CCDC148: variants seen among roughly 807,000 people sequenced by gnomAD.
The protein encoded by CCDC148 is coiled-coil domain containing 148.
CCDC148 carries 89 observed loss-of-function variants against 85.7 expected under a neutral mutation model. The ratio of observed to expected loss-of-function variants is 1.04; its 90% CI spans 0.87 to 1.24. CCDC148 has a LOEUF of 1.24. Ranked by LOEUF, CCDC148 falls within the 50% of genes most tolerant of loss-of-function variation. The pLI is 0.00. For missense variants in CCDC148, 692 were observed against 671.7 expected, an observed-to-expected ratio of 1.03 and a Z score of -0.33; for synonymous variants, 230 against 213.9, an observed-to-expected ratio of 1.08 and a Z score of -0.66.
intron 2 of CCDC148, among the ~76,000 whole-genome samples, chr2:158,356,983 A>G (rs1292693864): frequency 6.7e-6 from 1 of 150,252 alleles, no homozygotes; most frequent in Non-Finnish European, 1.5e-5. Context: ...TCGCAAGAAC[A>G]AAAAACCAAA....
chr2:158,273,071 G>A (rs1185389903), intron 9 of CCDC148, among the ~76,000 whole-genome samples: 1 of 152,164 alleles, frequency 6.6e-6, no homozygotes, highest in Non-Finnish European at 1.5e-5. Context: ...GAGGATGTGA[G>A]AAGTGAGTAA....
intron 9 of CCDC148, among the ~76,000 whole-genome samples, chr2:158,299,869 T>A (rs1272668973): frequency 1.3e-5 from 2 of 151,598 alleles, no homozygotes; most frequent in African/African-American, 2.4e-5. Context: ...AGAGAGAGAG[T>A]TCAAGTGATA....
chr2:158,427,010 T>A (rs890797435), intron 1 of CCDC148, among the ~76,000 whole-genome samples: 2 of 152,190 alleles, frequency 1.3e-5, no homozygotes, highest in Non-Finnish European at 2.9e-5. Context: ...AAGTGAAAAG[T>A]TGACCTTGAG....
intron 10 of CCDC148, among the ~76,000 whole-genome samples, chr2:158,227,344 G>A (rs1392393860): frequency 1.3e-5 from 2 of 151,470 alleles, no homozygotes; most frequent in Admixed American, 1.3e-4. Flanking sequence ...ATGCTCATGG[G>A]TAGGAAGAAT....
chr2:158,229,430 T>C (rs553058952), intron 10 of CCDC148, among the ~76,000 whole-genome samples: 1 of 152,350 alleles, frequency 6.6e-6, no homozygotes, highest in East Asian at 1.9e-4. Flanking sequence ...ATTGATGACA[T>C]AATTGTAGGA....
chr2:158,437,583 T>C (rs916242207), intron 1 of CCDC148, among the ~76,000 whole-genome samples: 16 of 152,128 alleles, frequency 1.1e-4, no homozygotes, highest in African/African-American at 3.6e-4. Flanking sequence ...AGGGATGCCC[T>C]CTCTCACCCC....
At chr2:158,370,286 A>T (rs72997364) in intron 1 of CCDC148, among the ~76,000 whole-genome samples, 18,110 of 152,108 alleles carry the variant, frequency 0.12, 2,215 homozygotes, top group African/African-American at 0.31. Context: ...CCCAGCACTT[A>T]AAATTAAATT....
intron 1 of CCDC148, among the ~76,000 whole-genome samples, chr2:158,371,575 A>G (rs1385329678): frequency 1.3e-5 from 2 of 151,992 alleles, no homozygotes; most frequent in East Asian, 1.9e-4. Context: ...ATCCAATTTT[A>G]TACAGGTATA....
chr2:158,444,541 G>A (rs1294322103), intron 1 of CCDC148, among the ~76,000 whole-genome samples: 2 of 152,042 alleles, frequency 1.3e-5, no homozygotes, highest in Non-Finnish European at 2.9e-5. Context: ...AGCACTTTGG[G>A]AGGCTGAGGT....
intron 9 of CCDC148, among the ~76,000 whole-genome samples, chr2:158,278,288 GC>G (rs1303565857): frequency 6.6e-6 from 1 of 152,054 alleles, no homozygotes; most frequent in Non-Finnish European, 1.5e-5. Flanking sequence ...GTCAGTGGGT[GC>G]AGCTCACCAT....
intron 1 of CCDC148, among the ~76,000 whole-genome samples, chr2:158,399,014 T>C (rs545029333): frequency 1.2e-3 from 183 of 152,206 alleles, no homozygotes; most frequent in African/African-American, 4.0e-3. Context: ...GCAAATAAAC[T>C]AGAAAATCTA....
chr2:158,233,219 G>A (rs541213633), intron 10 of CCDC148, among the ~76,000 whole-genome samples: 55 of 152,138 alleles, frequency 3.6e-4, no homozygotes, highest in African/African-American at 1.3e-3. Flanking sequence ...CAAAAAGTAT[G>A]TTTTACATAT....
chr2:158,190,625 G>C (rs1685378826), intron 11 of CCDC148, among the ~76,000 whole-genome samples: 1 of 151,940 alleles, frequency 6.6e-6, no homozygotes, highest in South Asian at 2.1e-4. Context: ...GGTAGATATA[G>C]TTTAACTCCA....
chr2:158,222,344 GC>G (rs1033149473), intron 10 of CCDC148, among the ~76,000 whole-genome samples: 3 of 152,010 alleles, frequency 2.0e-5, no homozygotes, highest in African/African-American at 7.3e-5. Context: ...TCCTGTGCAG[GC>G]CCCAGGCGTA....
chr2:158,389,220 G>A (rs73966661), intron 1 of CCDC148, among the ~76,000 whole-genome samples: 14,895 of 152,108 alleles, frequency 0.098, 1,179 homozygotes, highest in African/African-American at 0.22. Flanking sequence ...TGAGAAACAC[G>A]TTTGTATAAC....
chr2:158,233,366 G>A (rs1480407892), intron 10 of CCDC148, among the ~76,000 whole-genome samples: 1 of 151,724 alleles, frequency 6.6e-6, no homozygotes, highest in Admixed American at 6.6e-5. Context: ...ACCAATTGAA[G>A]TATGACTCCT....
chr2:158,284,576 A>C (rs62182653), intron 9 of CCDC148, among the ~76,000 whole-genome samples: 8,834 of 152,206 alleles, frequency 0.058, 363 homozygotes, highest in Non-Finnish European at 0.082. Flanking sequence ...TGAGTGAAAA[A>C]CTGCAGCAGT....
chr2:158,446,590 C>A (rs145551182), intron 1 of CCDC148, among the ~76,000 whole-genome samples: 27 of 151,808 alleles, frequency 1.8e-4, no homozygotes, highest in African/African-American at 6.3e-4. Context: ...TGTGTTTATG[C>A]CATTATTTTT....
At chr2:158,432,666 A>C (rs1221385744) in intron 1 of CCDC148, among the ~76,000 whole-genome samples, 1 of 152,220 alleles carries the variant, frequency 6.6e-6, no homozygotes, top group Non-Finnish European at 1.5e-5. Context: ...CTTCTGAGGA[A>C]TAAATAATAT....
Sources: gnomAD v4.1 joint callset for allele counts (sites outside exome capture counted in the v4.1 genomes callset) on GRCh38, gnomAD v4.1.1 for gene constraint, MANE v1.5 for transcripts, NCBI Gene and HGNC (gene_info 2026-07-23, HGNC 2026-07-21) for gene names.